The following EYS variants were observed in gnomAD, a reference collection of about 807,000 sequenced individuals.
EYS encodes the protein protein eyes shut homolog.
In EYS, 250 loss-of-function variants were observed where a neutral mutation model predicts 282.1. The ratio of observed to expected loss-of-function variants is 0.89; its 90% CI spans 0.80 to 0.98. EYS has a LOEUF of 0.98. Among genes scored for constraint, EYS ranks in the 50% least tolerant of loss-of-function variants. EYS has a pLI of 0.00. For missense variants in EYS, 4,016 were observed against 3,709.0 expected (o/e 1.08, Z -2.15); for synonymous variants, 1,355 against 1,282.9 (o/e 1.06, Z -1.20).
rs1198113387 is a variant in EYS at position 63,827,846 on chromosome 6, G to A, written c.7229-21474C>T. ...GGCCTGGGCGACAGAGCAAGACTCC[G>A]TCTCAAAAAAAAAAAAAAAAAAAAA... On this transcript the variant is annotated intron_variant, in intron 36 of 42. Transcript: ENST00000503581. Among the ~76,000 whole-genome samples, 15 of 46,958 alleles carry A rather than the reference G, an allele frequency of 3.2e-4. No individual in the cohort carries two copies. The South Asian group carries it at 4.4e-3, about 14-fold the overall frequency. 30.8% of individuals were successfully genotyped at this position (46,958 alleles called of 152,430 possible). A position where few individuals can be genotyped will look rare whatever the true frequency, so the allele number is the denominator to read the frequency against.
intron 12 of EYS, among the ~76,000 whole-genome samples, chr6:65,249,267 A>G (rs1054467282): frequency 2.0e-5 from 3 of 152,006 alleles, no homozygotes; most frequent in Non-Finnish European, 2.9e-5. Flanking sequence ...TAAAATATTA[A>G]TATTTACCTG....
chr6:64,517,835 A>C (rs1305716005), intron 26 of EYS, among the ~76,000 whole-genome samples: 4 of 151,912 alleles, frequency 2.6e-5, no homozygotes, highest in Non-Finnish European at 4.4e-5. Context: ...TTCCCCAGAA[A>C]AGTATCTACA....
chr6:64,959,386 T>G (rs9453133), intron 14 of EYS, among the ~76,000 whole-genome samples: 2,892 of 152,276 alleles, frequency 0.019, 93 homozygotes, highest in African/African-American at 0.065. Context: ...AGCATAAGTG[T>G]TTTTTTCTTT....
At chr6:64,731,907 A>G (rs1189475603) in intron 22 of EYS, among the ~76,000 whole-genome samples, 1 of 152,218 alleles carries the variant, frequency 6.6e-6, no homozygotes, top group Admixed American at 6.5e-5. Flanking sequence ...ATATGGAACC[A>G]AATCAAATGC....
In EYS at chr6:65,319,032, T is replaced by A. The variant is rs1769394805; in HGVS notation, c.1766+15948A>T. ...GTGTATTTACATATATATGTTTACA[T>A]GATTTTTATCTTTATATTTTTAAAC... On this transcript the variant is annotated intron_variant, in intron 11 of 42. Coordinates refer to ENST00000503581, the MANE Select transcript of EYS (RefSeq NM_001142800.2). Among the ~76,000 whole-genome samples the A allele has an allele frequency of 1.3e-5, 2 of 151,652 alleles. 1 individual carries two copies. The highest frequency in any genetic ancestry group is 3.9e-4 in the East Asian group (2 of 5,182).
chr6:64,587,022 A>G (rs1415911996), intron 26 of EYS, among the ~76,000 whole-genome samples: 1 of 152,110 alleles, frequency 6.6e-6, no homozygotes, highest in East Asian at 1.9e-4. Flanking sequence ...GCAGTTTCAA[A>G]GACGTCAGAG....
intron 30 of EYS, among the ~76,000 whole-genome samples, chr6:64,232,392 GTTGT>G (rs1044491269): frequency 1.3e-5 from 2 of 151,660 alleles, no homozygotes; most frequent in South Asian, 2.1e-4. Context: ...TGTTATTGTT[GTTGT>G]TTGTTTGTTT....
chr6:64,003,393 G>A (rs11968837), intron 33 of EYS, among the ~76,000 whole-genome samples: 2,099 of 152,242 alleles, frequency 0.014, 43 homozygotes, highest in African/African-American at 0.047. Context: ...TAGCACAATA[G>A]GGTGACTATA....
intron 1 of EYS, among the ~76,000 whole-genome samples, chr6:65,664,601 C>A (rs191619878): frequency 1.1e-4 from 16 of 152,166 alleles, no homozygotes; most frequent in African/African-American, 2.9e-4. Flanking sequence ...GAGAAAGTTG[C>A]TAGAGAGGAT....
chr6:63,788,947 G>A, intron 38 of EYS, 111 bp downstream of exon 38: 1 of 1,086,526 alleles, frequency 9.2e-7, no homozygotes, highest in Admixed American at 2.6e-5. Context: ...AATAGTCTGT[G>A]AACTTCGTGG....
At chr6:64,364,705 A>C (rs1205643830) in intron 29 of EYS, among the ~76,000 whole-genome samples, 2 of 151,886 alleles carry the variant, frequency 1.3e-5, no homozygotes, top group African/African-American at 4.8e-5. Context: ...ATTTTAAAGA[A>C]AACTGTACAA....
At chr6:65,114,882 A>G (rs977942260) in intron 12 of EYS, among the ~76,000 whole-genome samples, 2 of 152,094 alleles carry the variant, frequency 1.3e-5, no homozygotes, top group East Asian at 3.9e-4. Flanking sequence ...CTATTCATCA[A>G]CTTTTCTCAT....
At chr6:64,515,156 A>G (rs1461818488) in intron 26 of EYS, among the ~76,000 whole-genome samples, 1 of 151,750 alleles carries the variant, frequency 6.6e-6, no homozygotes, top group Non-Finnish European at 1.5e-5. Flanking sequence ...ATTAGTGAGC[A>G]TAATGTATTT....
At chr6:64,319,374 G>A (rs1422131418) in intron 29 of EYS, among the ~76,000 whole-genome samples, 2 of 151,712 alleles carry the variant, frequency 1.3e-5, no homozygotes, top group East Asian at 1.9e-4. Flanking sequence ...CTTAAATCTA[G>A]CAATACCAAT....
At chr6:65,018,426 T>C (rs539205049) in intron 13 of EYS, among the ~76,000 whole-genome samples, 2 of 152,316 alleles carry the variant, frequency 1.3e-5, no homozygotes, top group Admixed American at 1.3e-4. Flanking sequence ...CTCTCAATAT[T>C]TGTCTGTGTC....
At chr6:64,556,406 A>T (rs976856354) in intron 26 of EYS, among the ~76,000 whole-genome samples, 5 of 151,980 alleles carry the variant, frequency 3.3e-5, no homozygotes, top group African/African-American at 1.2e-4. Context: ...CGTCCCATGT[A>T]CATGATATTT....
intron 8 of EYS, among the ~76,000 whole-genome samples, chr6:65,369,397 C>G (rs1369362511): frequency 6.8e-6 from 1 of 147,416 alleles, no homozygotes; most frequent in Non-Finnish European, 1.5e-5. Context: ...AAGAAAATAA[C>G]AAGAAAACAA....
At chr6:64,010,092 C>T (rs1047930903) in intron 33 of EYS, among the ~76,000 whole-genome samples, 1 of 152,180 alleles carries the variant, frequency 6.6e-6, no homozygotes, top group African/African-American at 2.4e-5. Context: ...GGCTTTTTCT[C>T]TCTGGCCCCT....
At chr6:64,855,683 T>C in intron 19 of EYS, among the ~76,000 whole-genome samples, 1 of 152,174 alleles carries the variant, frequency 6.6e-6, no homozygotes, top group African/African-American at 2.4e-5. Context: ...GTATAGTTGT[T>C]TGGGTTTTCA....
Sources: gnomAD v4.1 joint callset for allele counts (sites outside exome capture counted in the v4.1 genomes callset) on GRCh38, gnomAD v4.1.1 for gene constraint, MANE v1.5 for transcripts, NCBI Gene and HGNC (gene_info 2026-07-23, HGNC 2026-07-21) for gene names.